Variants in EDA observed in about 807,000 individuals in gnomAD.
EDA encodes ectodysplasin A.
Under a neutral mutation model 23.6 loss-of-function variants are expected in EDA, and 2 were observed. That is an observed-to-expected ratio of 0.08 (90% CI 0.03 to 0.27). The LOEUF (loss-of-function observed/expected upper bound fraction) is 0.27. Ranked by LOEUF, EDA falls within the 10% of genes least tolerant of loss-of-function variation. EDA has a pLI of 1.00. For missense variants in EDA, 229 were observed against 324.2 expected, an observed-to-expected ratio of 0.71 and a Z score of 2.26; for synonymous variants, 131 against 132.0, an observed-to-expected ratio of 0.99 and a Z score of 0.05.
chrX:69,660,406 T>C (rs1186692133), intron 1 of EDA, among the ~76,000 whole-genome samples: 2 of 110,723 alleles, frequency 1.8e-5, no homozygotes, highest in Non-Finnish European at 3.8e-5. Flanking sequence ...GTTTGTTACA[T>C]ATGTATACAT....
chrX:69,646,232 C>G (rs1385636484), intron 1 of EDA, among the ~76,000 whole-genome samples: 1 of 111,259 alleles, frequency 9.0e-6, no homozygotes, highest in African/African-American at 3.3e-5. Context: ...TAGTAAATAT[C>G]TTTGTTAATT....
At chrX:69,781,495 G>A (rs1052357368) in intron 1 of EDA, among the ~76,000 whole-genome samples, 2 of 111,781 alleles carry the variant, frequency 1.8e-5, no homozygotes, top group African/African-American at 6.5e-5. Context: ...CAACTAAAGA[G>A]TTGAATAGTT....
rs1181796585 is a variant in EDA at position 69,988,861 on chromosome X, G to GA, written c.502+31737dup. Among the ~76,000 whole-genome samples, 9 of 109,746 alleles carry GA rather than the reference G, an allele frequency of 8.2e-5. 1 individual carries two copies. The highest frequency in any genetic ancestry group is 3.8e-4 in the Admixed American group (4 of 10,399). On this transcript the variant is annotated intron_variant, in intron 2 of 7. Coordinates refer to ENST00000374552, the MANE Select transcript of EDA (RefSeq NM_001399.5). The stretch of plus-strand genomic sequence containing the variant: ...AGAGAGCGAGACTCCATCTCAAAAA[G>GA]AAAAAAAATTGTTTAATTTAAAATA...
intron 1 of EDA, among the ~76,000 whole-genome samples, chrX:69,786,809 G>T (rs1234958544): frequency 2.7e-5 from 3 of 110,840 alleles, no homozygotes; most frequent in Non-Finnish European, 5.7e-5. Context: ...TATTAGGTCC[G>T]CTTGGTGCAG....
At chrX:69,747,448 T>C (rs1398937988) in intron 1 of EDA, among the ~76,000 whole-genome samples, 1 of 112,810 alleles carries the variant, frequency 8.9e-6, no homozygotes, top group African/African-American at 3.2e-5. Flanking sequence ...ATAAGCCATG[T>C]ACAAGGAATG....
chrX:69,666,209 G>A (rs1176847357), intron 1 of EDA, among the ~76,000 whole-genome samples: 1 of 112,078 alleles, frequency 8.9e-6, no homozygotes, highest in Non-Finnish European at 1.9e-5. Context: ...TGGACTTGGG[G>A]TTTTTTACAT....
At chrX:69,743,719 A>G (rs1184275999) in intron 1 of EDA, among the ~76,000 whole-genome samples, 3 of 111,808 alleles carry the variant, frequency 2.7e-5, no homozygotes, top group African/African-American at 9.7e-5. Flanking sequence ...GCCCACATGA[A>G]CTCTTAGGGT....
At chrX:69,665,452 A>G (rs1933650949) in intron 1 of EDA, among the ~76,000 whole-genome samples, 1 of 111,732 alleles carries the variant, frequency 8.9e-6, no homozygotes, top group African/African-American at 3.2e-5. Flanking sequence ...CTGGTCTTAC[A>G]TTTAGGTCTT....
chrX:69,859,152 G>A (rs991594414), intron 1 of EDA, among the ~76,000 whole-genome samples: 3 of 110,420 alleles, frequency 2.7e-5, no homozygotes, highest in Non-Finnish European at 5.7e-5. Context: ...CTAGTGGTAT[G>A]TCTATTTAAT....
chrX:69,783,297 A>C (rs775393831), intron 1 of EDA, among the ~76,000 whole-genome samples: 1 of 109,836 alleles, frequency 9.1e-6, no homozygotes, highest in South Asian at 3.9e-4. Flanking sequence ...TTTATTTCTT[A>C]TTATTATACT....
intron 1 of EDA, among the ~76,000 whole-genome samples, chrX:69,878,378 G>A (rs1474187240): frequency 1.8e-5 from 2 of 112,684 alleles, no homozygotes; most frequent in Non-Finnish European, 3.8e-5. Flanking sequence ...AACATGGTGA[G>A]GCTGCCCAGT....
At chrX:69,825,707 G>A (rs1262485587) in intron 1 of EDA, among the ~76,000 whole-genome samples, 3 of 112,211 alleles carry the variant, frequency 2.7e-5, no homozygotes, top group African/African-American at 6.5e-5. Context: ...CTTCAGTTCT[G>A]CTCTGATTTT....
At chrX:69,930,742 A>G (rs2018587065) in intron 1 of EDA, among the ~76,000 whole-genome samples, 1 of 111,597 alleles carries the variant, frequency 9.0e-6, no homozygotes, top group South Asian at 3.8e-4. Flanking sequence ...GTCTTTATAC[A>G]CAGACGACAT....
At chrX:69,623,859 A>G (rs756434976) in intron 1 of EDA, among the ~76,000 whole-genome samples, 1 of 111,010 alleles carries the variant, frequency 9.0e-6, no homozygotes, top group South Asian at 3.8e-4. Context: ...TTTATAAACC[A>G]TATATAGAAC....
intron 1 of EDA, among the ~76,000 whole-genome samples, chrX:69,837,425 T>C (rs2016801994): frequency 1.8e-5 from 2 of 112,348 alleles, no homozygotes; most frequent in African/African-American, 3.2e-5. Flanking sequence ...ACCAGCTGAA[T>C]TACCTGTCAC....
chrX:69,675,405 A>G (rs897173200), intron 1 of EDA, among the ~76,000 whole-genome samples: 1 of 111,723 alleles, frequency 9.0e-6, no homozygotes, highest in African/African-American at 3.3e-5. Context: ...CATCGTGTCT[A>G]AAAATGAATT....
chrX:69,962,181 C>T (rs760770568), intron 2 of EDA, among the ~76,000 whole-genome samples: 28 of 111,794 alleles, frequency 2.5e-4, no homozygotes, highest in Non-Finnish European at 4.7e-4. Context: ...ACCTGCCTGC[C>T]TTCCATGTTT....
intron 1 of EDA, among the ~76,000 whole-genome samples, chrX:69,647,797 G>A (rs192373078): frequency 1.8e-5 from 2 of 112,178 alleles, no homozygotes; most frequent in Admixed American, 9.5e-5. Flanking sequence ...GCATTTTTAC[G>A]TTGATTCTTT....
chrX:69,707,871 A>T (rs895919384), intron 1 of EDA, among the ~76,000 whole-genome samples: 1 of 111,170 alleles, frequency 9.0e-6, no homozygotes, highest in African/African-American at 3.3e-5. Flanking sequence ...TACAGTACCC[A>T]TTCCTGTTTC....
Sources: allele counts gnomAD v4.1 joint callset (sites outside exome capture counted in the v4.1 genomes callset), GRCh38; gene constraint gnomAD v4.1.1; transcripts MANE v1.5; gene names NCBI Gene and HGNC (gene_info 2026-07-23, HGNC 2026-07-21).